Variants in ADAMTSL1 observed in about 807,000 individuals in gnomAD.
ADAMTSL1 encodes ADAMTS-like protein 1.
In ADAMTSL1, 126 loss-of-function variants were observed where a neutral mutation model predicts 201.8. That is an observed-to-expected ratio of 0.62 (90% CI 0.54 to 0.72). ADAMTSL1 has a LOEUF of 0.72. Among genes scored for constraint, ADAMTSL1 ranks in the 30% least tolerant of loss-of-function variants. The pLI is 0.00. For synonymous variants in ADAMTSL1, 1,121 were observed against 903.4 expected, an observed-to-expected ratio of 1.24 and a Z score of -4.32; for missense variants, 2,679 against 2,277.8, an observed-to-expected ratio of 1.18 and a Z score of -3.59.
At chr9:18,886,568 C>T (rs1828915046) in intron 23 of ADAMTSL1, among the ~76,000 whole-genome samples, 1 of 152,146 alleles carries the variant, frequency 6.6e-6, no homozygotes, top group African/African-American at 2.4e-5. Flanking sequence ...TGGCAAGTCC[C>T]AGATCAGTGC....
At chr9:18,758,068 G>A (rs531470795) in intron 16 of ADAMTSL1, among the ~76,000 whole-genome samples, 2 of 152,234 alleles carry the variant, frequency 1.3e-5, no homozygotes, top group Admixed American at 1.3e-4. Context: ...GAGCTTAATA[G>A]GAATTTGAAC....
rs1323163048 is a variant in ADAMTSL1, at chr9:18,877,998, T to TCCCAGGGGGATTATGGCTGCCTCTG, written c.4250-9831_4250-9807dup. Among the ~76,000 whole-genome samples the TCCCAGGGGGATTATGGCTGCCTCTG allele has an allele frequency of 6.6e-5, 10 of 151,736 alleles. No homozygotes were observed. The South Asian group carries it at 1.3e-3, about 19-fold the overall frequency. ...AGTTCTCAGGCCAACAAAGTTATAT[T>TCCCAGGGGGATTATGGCTGCCTCTG]CCCAGGGGGATTATGGCTGCCTCTG... On this transcript the variant is annotated intron_variant, in intron 23 of 28. Transcript: ENST00000380548.
chr9:18,374,002 TG>T (rs1837172992), intron 2 of ADAMTSL1, among the ~76,000 whole-genome samples: 1 of 152,172 alleles, frequency 6.6e-6, no homozygotes, highest in African/African-American at 2.4e-5. Flanking sequence ...ACTTTCCATC[TG>T]GGGAGCTTTC....
In ADAMTSL1 at chr9:18,278,630, G is replaced by T. The variant is rs1306658636; in HGVS notation, c.207+114649G>T. On this transcript the variant is annotated intron_variant, in intron 2 of 29. Transcript: ENST00000680146. Reference sequence around the variant, plus strand: ...GGTATTTAATTATACTCTGTTTCAGGGAAGATCTTTTTATAATTAATCTAT... The same window carrying T: ...GGTATTTAATTATACTCTGTTTCAGTGAAGATCTTTTTATAATTAATCTAT... 2.0e-5 allele frequency among the ~76,000 whole-genome samples: 3 copies of T among 152,122 alleles called. No homozygotes were observed. The East Asian group carries it at 5.8e-4, about 29-fold the overall frequency.
chr9:18,544,217 C>T (rs1323919345), intron 3 of ADAMTSL1, among the ~76,000 whole-genome samples: 1 of 152,142 alleles, frequency 6.6e-6, no homozygotes, highest in African/African-American at 2.4e-5. Context: ...TTAGTTCTTT[C>T]TTCCACATTG....
At chr9:18,036,795 A>G (rs970110878) in intron 1 of ADAMTSL1, among the ~76,000 whole-genome samples, 101 of 152,226 alleles carry the variant, frequency 6.6e-4, no homozygotes, top group Non-Finnish European at 2.2e-4. Flanking sequence ...TTATTGAGAT[A>G]GGTAGAAATT....
At chr9:18,553,939 AATT>A (rs1327628878) in intron 3 of ADAMTSL1, among the ~76,000 whole-genome samples, 2 of 151,576 alleles carry the variant, frequency 1.3e-5, no homozygotes, top group Admixed American at 1.3e-4. Context: ...TTGTATTTTT[AATT>A]ATTTCTGGAA....
At chr9:18,826,098 C>T (rs1824536817) in intron 21 of ADAMTSL1, 186 bp from the exon 22 acceptor site, 1 of 658,480 alleles carries the variant, frequency 1.5e-6, no homozygotes, top group Non-Finnish European at 2.7e-6. Context: ...CTTTGGTCAC[C>T]CTGAAGTCTA....
intron 2 of ADAMTSL1, among the ~76,000 whole-genome samples, chr9:18,431,690 C>T (rs1048882808): frequency 3.3e-5 from 5 of 152,080 alleles, no homozygotes; most frequent in African/African-American, 1.2e-4. Context: ...GAAAATTTCT[C>T]AGCTGCCCCA....
intron 3 of ADAMTSL1, among the ~76,000 whole-genome samples, chr9:18,553,682 A>T (rs1182203615): frequency 6.6e-6 from 1 of 151,872 alleles, no homozygotes; most frequent in Non-Finnish European, 1.5e-5. Context: ...CTTGAAAGTT[A>T]GTTTTGCAGT....
At chr9:18,390,541 T>C (rs1329576167) in intron 2 of ADAMTSL1, among the ~76,000 whole-genome samples, 2 of 152,212 alleles carry the variant, frequency 1.3e-5, no homozygotes, top group Non-Finnish European at 2.9e-5. Flanking sequence ...GTTTACCCCA[T>C]GGTGAGCATC....
intron 4 of ADAMTSL1, among the ~76,000 whole-genome samples, chr9:18,596,265 G>T (rs1824256322): frequency 6.6e-6 from 1 of 152,160 alleles, no homozygotes; most frequent in Non-Finnish European, 1.5e-5. Flanking sequence ...TAATTGTGTA[G>T]TGATGAGATT....
chr9:18,345,383 T>C (rs1459621874), intron 2 of ADAMTSL1, among the ~76,000 whole-genome samples: 1 of 150,522 alleles, frequency 6.6e-6, no homozygotes, highest in Non-Finnish European at 1.5e-5. Flanking sequence ...ATCAGAAACA[T>C]CCGAATCATC....
At chr9:18,703,701 C>CATATATACATATATATATAT (rs1832059529) in intron 13 of ADAMTSL1, among the ~76,000 whole-genome samples, 1 of 78,812 alleles carries the variant, frequency 1.3e-5, no homozygotes, top group Non-Finnish European at 2.6e-5. Context: ...TGCGCACATA[C>CATATATACATATATATATAT]ATATATATAT....
chr9:18,086,605 C>G (rs1403031592), intron 1 of ADAMTSL1, among the ~76,000 whole-genome samples: 1 of 152,116 alleles, frequency 6.6e-6, no homozygotes, highest in Admixed American at 6.6e-5. Flanking sequence ...AAGATAAGAA[C>G]TTGTACTCTA....
chr9:18,245,575 G>A (rs866454344), intron 2 of ADAMTSL1, among the ~76,000 whole-genome samples: 1 of 152,120 alleles, frequency 6.6e-6, no homozygotes, highest in Non-Finnish European at 1.5e-5. Flanking sequence ...ATATAACTGG[G>A]TAGTCCTTAG....
intron 1 of ADAMTSL1, among the ~76,000 whole-genome samples, chr9:18,046,491 T>A: frequency 6.6e-6 from 1 of 152,192 alleles, no homozygotes; most frequent in East Asian, 1.9e-4. Context: ...CACATTTAAC[T>A]GGCTAAAATA....
intron 15 of ADAMTSL1, among the ~76,000 whole-genome samples, chr9:18,732,818 T>C (rs928949733): frequency 6.6e-6 from 1 of 152,158 alleles, no homozygotes; most frequent in Non-Finnish European, 1.5e-5. Flanking sequence ...CCTTCACAGG[T>C]CATCTTTGAG....
chr9:18,904,577 T>C (rs1830187769), intron 26 of ADAMTSL1, among the ~76,000 whole-genome samples: 2 of 125,424 alleles, frequency 1.6e-5, no homozygotes, highest in African/African-American at 3.1e-5. Context: ...AAGGCTGCAG[T>C]GAGCTGAGAT....
Sources: gnomAD v4.1 joint callset for allele counts (sites outside exome capture counted in the v4.1 genomes callset) on GRCh38, gnomAD v4.1.1 for gene constraint, MANE v1.5 for transcripts, NCBI Gene and HGNC (gene_info 2026-07-23, HGNC 2026-07-21) for gene names.